NKTR: variants seen among roughly 807,000 people sequenced by gnomAD.
NKTR encodes the protein natural killer cell triggering receptor, also known as NK-tumor recognition protein.
A neutral mutation model predicts 156.3 loss-of-function variants in NKTR; 67 were observed. That is an observed-to-expected ratio of 0.43 (90% CI 0.35 to 0.53). NKTR has a LOEUF of 0.53. Among genes scored for constraint, NKTR ranks in the 20% least tolerant of loss-of-function variants. The pLI is 0.01. For synonymous variants in NKTR, 640 were observed against 596.6 expected (o/e 1.07, Z -1.06); for missense variants, 1,604 against 1,730.9 (o/e 0.93, Z 1.30).
chr3:42,610,359 A>G (rs1475835506), intron 2 of NKTR, among the ~76,000 whole-genome samples: 1 of 152,082 alleles, frequency 6.6e-6, no homozygotes, highest in Non-Finnish European at 1.5e-5. Context: ...GCTAACAACT[A>G]CTTTTGACTT....
chr3:42,619,653 A>G lies in NKTR; in HGVS notation c.242-11A>G. 6.2e-7 allele frequency: 1 copy of G among 1,605,712 alleles called. No homozygotes were observed. Among genetic ancestry groups the G allele is most frequent in the Middle Eastern group, 1.7e-4 (1 of 6,042 alleles). ...TGTTCATTATGGCTTAAAGTAGGTGATTATTTGCAGGTAATGGAAAAGGTG... is the reference window on the plus strand; with the variant it reads ...TGTTCATTATGGCTTAAAGTAGGTGGTTATTTGCAGGTAATGGAAAAGGTG... On this transcript the variant is annotated splice_polypyrimidine_tract_variant and intron_variant, in intron 4 of 16. Coordinates refer to ENST00000232978, the MANE Select transcript of NKTR (RefSeq NM_005385.4).
chr3:42,615,215 A>T (rs1373224867), intron 2 of NKTR, among the ~76,000 whole-genome samples: 4 of 151,998 alleles, frequency 2.6e-5, no homozygotes, highest in East Asian at 3.9e-4. Flanking sequence ...AGTAGCTAGG[A>T]TTACAGGCGC....
chr3:42,615,773 A>C (rs1468982836), intron 2 of NKTR, among the ~76,000 whole-genome samples: 4 of 152,196 alleles, frequency 2.6e-5, no homozygotes, highest in Admixed American at 1.3e-4. Context: ...CATTTCCCAG[A>C]GATTTATGAG....
intron 8 of NKTR, among the ~76,000 whole-genome samples, chr3:42,631,901 TTGTC>T (rs1708941954): frequency 6.6e-6 from 1 of 152,120 alleles, no homozygotes; most frequent in African/African-American, 2.4e-5. Flanking sequence ...CCTATTCTCT[TTGTC>T]TGGAACACCC....
At chr3:42,603,579 T>C (rs187997075) in intron 2 of NKTR, among the ~76,000 whole-genome samples, 79 of 151,760 alleles carry the variant, frequency 5.2e-4, no homozygotes, top group African/African-American at 1.8e-3. Context: ...TGATTAGCAC[T>C]CTTGAGAACG....
At position 42,604,385 on chromosome 3, in the gene NKTR, T is replaced by A. The variant is rs961751247; in HGVS notation, c.58+3321T>A. Among the ~76,000 whole-genome samples, 4 of 152,082 alleles carry A rather than the reference T, an allele frequency of 2.6e-5. No homozygotes were observed. The South Asian group carries it at 8.3e-4, about 31-fold the overall frequency. On this transcript the variant is annotated intron_variant, in intron 2 of 16. Transcript: ENST00000232978. ...TAGATTGTTGATTTGATACCTTTTT[T>A]TTTTGAGACAGTCTCAAATGACTTT...
At chr3:42,642,420 C>T in intron 13 of NKTR, 81 bp from the exon 14 acceptor site, 1 of 1,059,706 alleles carries the variant, frequency 9.4e-7, no homozygotes, top group Non-Finnish European at 1.4e-6. Context: ...GTGTTTTCCC[C>T]TTTCTGCCCT....
At chr3:42,633,255 T>C in intron 9 of NKTR, 1 of 635,820 alleles carries the variant, frequency 1.6e-6, no homozygotes, top group Non-Finnish European at 2.1e-6. Context: ...TTGACCAGGC[T>C]GGTCTCTGAC....
chr3:42,639,420 ATGCTGCCACATCCAGTGC>A lies in NKTR; in HGVS notation c.3719_3736del (p.Ala1240_Ala1245del). ...GGTGTGGGGAACCTGGCAGCACCTA[ATGCTGCCACATCCAGTGC>A]TGTGGAAGTTAAGGTGTTGACCACT... On this transcript the variant is annotated inframe_deletion, in exon 13 of 17. Transcript: ENST00000232978. 1 of 1,613,282 alleles carries A rather than the reference ATGCTGCCACATCCAGTGC, an allele frequency of 6.2e-7. No individual in the cohort carries two copies. Among genetic ancestry groups the A allele is most frequent in the Non-Finnish European group, 8.5e-7 (1 of 1,179,192 alleles).
At chr3:42,610,162 C>T (rs1312997215) in intron 2 of NKTR, among the ~76,000 whole-genome samples, 1 of 152,050 alleles carries the variant, frequency 6.6e-6, no homozygotes, top group Non-Finnish European at 1.5e-5. Context: ...TGAGCCACCA[C>T]ACCCGCTAAT....
In NKTR at chr3:42,638,601, A is replaced by T; in HGVS notation, c.2897A>T (p.Asn966Ile). ...STSDSEGSCS[N>I]SENNRGKPQK... ...TCTGACTCTGAGGGGTCCTGTTCCA[A>T]TTCGGAAAACAATAGGGGAAAGCCA... Residue 966 changes from asparagine (N) to isoleucine (I), a missense_variant, in exon 13 of 17, where the codon AAT (asparagine) becomes ATT (isoleucine). Coordinates refer to ENST00000232978, the MANE Select transcript of NKTR (RefSeq NM_005385.4). The T allele has an allele frequency of 6.2e-7, 1 of 1,614,012 alleles. No individual in the cohort carries two copies. The highest frequency in any genetic ancestry group is 8.5e-7 in the Non-Finnish European group (1 of 1,179,992).
Position 42,647,812 on chromosome 3 carries a change from A to G in NKTR, c.*1837A>G, listed in dbSNP as rs1005366043. The G allele has an allele frequency of 2.0e-5, 3 of 152,170 alleles. No homozygotes were observed. The highest frequency in any genetic ancestry group is 4.8e-5 in the African/African-American group (2 of 41,438). 9.4% of individuals were successfully genotyped at this position (152,170 alleles called of 1,614,324 possible). On this transcript the variant is annotated 3_prime_UTR_variant, in exon 17 of 17. Coordinates refer to ENST00000232978, the MANE Select transcript of NKTR (RefSeq NM_005385.4). The stretch of plus-strand genomic sequence containing the variant: ...CCCTTGGGCAGTGTATTAGTTTTCT[A>G]TTGCTGTGTGACAAATTACCCCAAA...
intron 2 of NKTR, among the ~76,000 whole-genome samples, chr3:42,609,565 C>G (rs1706564971): frequency 6.6e-6 from 1 of 152,224 alleles, no homozygotes; most frequent in Admixed American, 6.5e-5. Flanking sequence ...AGACAACCTT[C>G]AGGATCATTT....
chr3:42,626,062 G>A (rs898350112), intron 6 of NKTR, among the ~76,000 whole-genome samples: 2 of 152,076 alleles, frequency 1.3e-5, no homozygotes, highest in Admixed American at 6.6e-5. Flanking sequence ...CTGACAGTGT[G>A]ATAGTTTCAG....
rs548553276 is a variant in NKTR, at chr3:42,604,134, C to G, written c.58+3070C>G. On this transcript the variant is annotated intron_variant, in intron 2 of 16. Coordinates refer to ENST00000232978, the MANE Select transcript of NKTR (RefSeq NM_005385.4). ...CAGCCTCTTTTAATATCTGTGGGGTCTGTAGTGGTGTCTCTTTTCATTCCT... is the reference window on the plus strand; with the variant it reads ...CAGCCTCTTTTAATATCTGTGGGGTGTGTAGTGGTGTCTCTTTTCATTCCT... Among the ~76,000 whole-genome samples the G allele has an allele frequency of 2.0e-5, 3 of 152,248 alleles. No homozygotes were observed. The South Asian group carries it at 6.2e-4, about 32-fold the overall frequency.
In NKTR at chr3:42,632,839, C is replaced by G. The variant is rs773848897; in HGVS notation, c.773+16C>G. On this transcript the variant is annotated intron_variant, in intron 9 of 16. Coordinates refer to ENST00000232978, the MANE Select transcript of NKTR (RefSeq NM_005385.4). ...ACCCAAAAGGGTACGTGTAAAACAC[C>G]AATGTACTCTTACCTAAAAACAAAC... 1.3e-6 allele frequency: 2 copies of G among 1,527,640 alleles called. No individual in the cohort carries two copies. Among genetic ancestry groups the G allele is most frequent in the Admixed American group, 4.3e-5 (2 of 46,156 alleles). The allele number at this position is 1,527,640 out of a possible 1,614,324, so 94.6% of individuals were successfully genotyped here.
chr3:42,627,311 GAAA>G (rs536244571), intron 6 of NKTR: 8 of 817,988 alleles, frequency 9.8e-6, no homozygotes, highest in African/African-American at 1.9e-5. Context: ...AACATTTTAA[GAAA>G]AAAAAAAACT....
intron 6 of NKTR, among the ~76,000 whole-genome samples, chr3:42,626,738 C>G (rs1375368860): frequency 2.0e-5 from 3 of 152,044 alleles, no homozygotes; most frequent in Non-Finnish European, 4.4e-5. Context: ...GTTAAAAGTT[C>G]CTTGAAATTT....
At chr3:42,627,931 GCTCT>G (rs1708548084) in intron 6 of NKTR, 1 of 984,960 alleles carries the variant, frequency 1.0e-6, no homozygotes, top group South Asian at 4.7e-5. Flanking sequence ...AGTGAGATGA[GCTCT>G]CTGCCTCTTT....
Sources: allele counts gnomAD v4.1 joint callset (sites outside exome capture counted in the v4.1 genomes callset), GRCh38; gene constraint gnomAD v4.1.1; transcripts MANE v1.5; gene names NCBI Gene and HGNC (gene_info 2026-07-23, HGNC 2026-07-21).